The following GPHN variants were observed in gnomAD, a reference collection of about 807,000 sequenced individuals.
GPHN encodes gephyrin.
Under a neutral mutation model 95.5 loss-of-function variants are expected in GPHN, and 17 were observed. That is an observed-to-expected ratio of 0.18 (90% CI 0.12 to 0.27). The LOEUF (loss-of-function observed/expected upper bound fraction) is 0.27, where lower values mean the gene tolerates loss of function less well. GPHN is among the 10% of genes least tolerant of loss of function. The pLI, the probability that GPHN is intolerant of heterozygous loss-of-function variation, is 1.00. For synonymous variants in GPHN, 320 were observed against 322.5 expected (o/e 0.99, Z 0.08); for missense variants, 660 against 978.1 (o/e 0.67, Z 4.34).
Position 66,683,410 on chromosome 14 carries a change from G to A in GPHN, c.143+2225G>A, listed in dbSNP as rs1239301790. 2.4e-5 allele frequency among the ~76,000 whole-genome samples: 2 copies of A among 83,712 alleles called. 1 individual carries two copies. Among genetic ancestry groups the A allele is most frequent in the Admixed American group, 2.8e-4 (2 of 7,080 alleles). The allele number at this position is 83,712 out of a possible 152,430, so 54.9% of individuals were successfully genotyped here. On this transcript the variant is annotated intron_variant, in intron 2 of 22. Coordinates refer to ENST00000478722, the MANE Select transcript of GPHN (RefSeq NM_020806.5). ...TATATATATGTTCATATATATATAT[G>A]TTCATATATATATATTCATATTCTT...
chr14:67,199,493 G>A, the GPHN span: 3 of 1,613,074 alleles, frequency 1.9e-6, no homozygotes, highest in Admixed American at 3.3e-5. Context: ...CAAAGGTTAT[G>A]CCTTTATTAA....
the GPHN span, among the ~76,000 whole-genome samples, chr14:67,194,513 T>A: frequency 6.6e-6 from 1 of 152,104 alleles, no homozygotes; most frequent in Admixed American, 6.6e-5. Flanking sequence ...CTAAACTATT[T>A]TTTTTCCCCC....
chr14:67,590,808 G>A, the GPHN span, among the ~76,000 whole-genome samples: 4 of 152,200 alleles, frequency 2.6e-5, no homozygotes, highest in Non-Finnish European at 5.9e-5. Flanking sequence ...TGCGAGGTGG[G>A]AGATCAAATG....
the GPHN span, among the ~76,000 whole-genome samples, chr14:67,639,119 GTC>G: frequency 6.6e-6 from 1 of 152,216 alleles, no homozygotes; most frequent in Non-Finnish European, 1.5e-5. Flanking sequence ...ATGAAATTCA[GTC>G]TCTCTTCCTG....
At chr14:67,604,744 T>C in the GPHN span, among the ~76,000 whole-genome samples, 42 of 152,156 alleles carry the variant, frequency 2.8e-4, no homozygotes, top group Non-Finnish European at 5.9e-5. Context: ...TGCCTATCTT[T>C]TTTTTCCCTA....
intron 1 of GPHN, among the ~76,000 whole-genome samples, chr14:66,568,595 A>G (rs548247256): frequency 6.6e-5 from 10 of 152,118 alleles, no homozygotes; most frequent in African/African-American, 2.4e-4. Flanking sequence ...AGGTGCCTTG[A>G]TTCTAAAAAT....
At chr14:67,301,973 C>T in the GPHN span, 2 of 1,579,862 alleles carry the variant, frequency 1.3e-6, no homozygotes, top group East Asian at 2.3e-5. Context: ...TTGAAACAGG[C>T]ACTTTTACTG....
chr14:67,054,798 C>T (rs972056336), intron 10 of GPHN, among the ~76,000 whole-genome samples: 1 of 152,140 alleles, frequency 6.6e-6, no homozygotes, highest in Non-Finnish European at 1.5e-5. Context: ...TAAGACTGCA[C>T]ATCTACAGCC....
chr14:67,165,966 T>C (rs764393574), intron 20 of GPHN, among the ~76,000 whole-genome samples: 1 of 152,252 alleles, frequency 6.6e-6, no homozygotes, highest in African/African-American at 2.4e-5. Flanking sequence ...TTTTTAACTT[T>C]AAAATTATCT....
the GPHN span, among the ~76,000 whole-genome samples, chr14:67,190,319 G>A: frequency 6.6e-6 from 1 of 151,024 alleles, no homozygotes; most frequent in East Asian, 2.0e-4. Flanking sequence ...CACCTCCCAG[G>A]TTCAAGCCAT....
the GPHN span, among the ~76,000 whole-genome samples, chr14:67,466,123 C>T: frequency 3.3e-5 from 5 of 152,306 alleles, no homozygotes; most frequent in Admixed American, 2.0e-4. Flanking sequence ...CTGATACAAC[C>T]CCATACTTTA....
At chr14:66,957,280 C>T (rs753071368) in intron 8 of GPHN, among the ~76,000 whole-genome samples, 6 of 145,676 alleles carry the variant, frequency 4.1e-5, no homozygotes, top group Non-Finnish European at 8.9e-5. Context: ...ACTGAAACCT[C>T]CACCTCCTGA....
At chr14:66,605,017 T>C (rs1360678020) in intron 1 of GPHN, among the ~76,000 whole-genome samples, 2 of 152,304 alleles carry the variant, frequency 1.3e-5, no homozygotes, top group East Asian at 3.9e-4. Flanking sequence ...TCCATGTTGC[T>C]GCAAAGGACA....
At chr14:67,663,179 T>C in the GPHN span, 2 of 1,530,986 alleles carry the variant, frequency 1.3e-6, no homozygotes, top group Non-Finnish European at 8.7e-7. Flanking sequence ...ACCTAAAAAT[T>C]ACTAATCTCC....
intron 2 of GPHN, among the ~76,000 whole-genome samples, chr14:66,712,115 A>T (rs1223393301): frequency 6.6e-6 from 1 of 152,160 alleles, no homozygotes; most frequent in Non-Finnish European, 1.5e-5. Context: ...CAGTAATGGG[A>T]TGGCTGGGTG....
chr14:67,088,355 C>T (rs1160578218), intron 11 of GPHN, among the ~76,000 whole-genome samples: 1 of 152,032 alleles, frequency 6.6e-6, no homozygotes, highest in Non-Finnish European at 1.5e-5. Flanking sequence ...ACACATATAT[C>T]TTAATACAGT....
At chr14:66,931,309 A>G (rs1005245206) in intron 8 of GPHN, among the ~76,000 whole-genome samples, 1 of 152,048 alleles carries the variant, frequency 6.6e-6, no homozygotes, top group Non-Finnish European at 1.5e-5. Flanking sequence ...GAGCTTGATT[A>G]TTAAGTGTCT....
chr14:66,577,820 A>T (rs1314561479), intron 1 of GPHN, among the ~76,000 whole-genome samples: 2 of 152,016 alleles, frequency 1.3e-5, no homozygotes, highest in African/African-American at 2.4e-5. Context: ...ATGGCCTACA[A>T]TGTCTCTCCC....
intron 3 of GPHN, among the ~76,000 whole-genome samples, chr14:66,782,666 A>T (rs1237177457): frequency 2.6e-5 from 4 of 152,022 alleles, no homozygotes; most frequent in South Asian, 2.1e-4. Context: ...AAAAATACAA[A>T]AATAATAATA....
Sources: gnomAD v4.1 joint callset for allele counts (sites outside exome capture counted in the v4.1 genomes callset) on GRCh38, gnomAD v4.1.1 for gene constraint, MANE v1.5 for transcripts, NCBI Gene and HGNC (gene_info 2026-07-23, HGNC 2026-07-21) for gene names.